Variants in CSMD1 observed in about 807,000 individuals in gnomAD.
CSMD1 encodes the protein CUB and sushi domain-containing protein 1.
Under a neutral mutation model 417.5 loss-of-function variants are expected in CSMD1, and 213 were observed. That is an observed-to-expected ratio of 0.51 (90% CI 0.46 to 0.57). The LOEUF (loss-of-function observed/expected upper bound fraction) is 0.57. Among genes scored for constraint, CSMD1 ranks in the 20% least tolerant of loss-of-function variants. The probability of loss-of-function intolerance (pLI) is 0.00; values close to 1 mark genes in which losing one functional copy is unlikely to be tolerated. For missense variants in CSMD1, 6,923 were observed against 4,529.7 expected, an observed-to-expected ratio of 1.53 and a Z score of -15.17; for synonymous variants, 2,862 against 1,736.8, an observed-to-expected ratio of 1.65 and a Z score of -16.11.
chr8:4,702,125 G>C (rs942054215), intron 1 of CSMD1, among the ~76,000 whole-genome samples: 1 of 152,182 alleles, frequency 6.6e-6, no homozygotes, highest in African/African-American at 2.4e-5. Context: ...GGTGGGCGAA[G>C]GTAGAGCACT....
At chr8:3,502,472 T>C (rs1401804648) in intron 10 of CSMD1, among the ~76,000 whole-genome samples, 10 of 152,168 alleles carry the variant, frequency 6.6e-5, no homozygotes, top group Admixed American at 6.5e-4. Flanking sequence ...CAATATGTCC[T>C]TCAGCAGGTG....
Position 4,412,212 on chromosome 8 carries a change from C to G in CSMD1, c.415+7741G>C, listed in dbSNP as rs531074784. Among the ~76,000 whole-genome samples the G allele has an allele frequency of 1.1e-4, 17 of 152,140 alleles. No individual in the cohort carries two copies. In the East Asian group the frequency reaches 3.1e-3, roughly 28 times the overall value. ...CAAACCTCATGTTAAATTGTAACCC[C>G]CAGTATTGGAGGTAGGGCCTGGTAG... is the stretch of plus-strand genomic sequence containing the variant. On this transcript the variant is annotated intron_variant, in intron 3 of 69. Transcript: ENST00000635120.
At chr8:3,226,751 C>A (rs1175718430) in intron 27 of CSMD1, among the ~76,000 whole-genome samples, 1 of 151,934 alleles carries the variant, frequency 6.6e-6, no homozygotes, top group African/African-American at 2.4e-5. Context: ...GAAAAAGCAA[C>A]AGCAATGGCA....
chr8:4,175,006 C>G (rs776440798), intron 3 of CSMD1, among the ~76,000 whole-genome samples: 2 of 151,464 alleles, frequency 1.3e-5, no homozygotes, highest in Admixed American at 6.6e-5. Context: ...AATCTCTTAT[C>G]TCACTCTTTT....
intron 1 of CSMD1, among the ~76,000 whole-genome samples, chr8:4,968,297 T>C (rs1810012280): frequency 6.6e-6 from 1 of 152,098 alleles, no homozygotes. Flanking sequence ...GTTATAAGTG[T>C]ACAATTCAGT....
At chr8:3,198,183 G>T (rs1344188893) in intron 33 of CSMD1, among the ~76,000 whole-genome samples, 1 of 152,060 alleles carries the variant, frequency 6.6e-6, no homozygotes, top group Non-Finnish European at 1.5e-5. Context: ...AAGACACCAG[G>T]ATATTTGCAT....
chr8:4,001,978 T>C (rs1172346918), intron 4 of CSMD1, among the ~76,000 whole-genome samples: 2 of 152,192 alleles, frequency 1.3e-5, no homozygotes, highest in Non-Finnish European at 2.9e-5. Flanking sequence ...CGGAATGAGT[T>C]ACAGTTAGAA....
intron 7 of CSMD1, among the ~76,000 whole-genome samples, chr8:3,698,083 G>A (rs769016061): frequency 2.0e-5 from 3 of 152,164 alleles, no homozygotes; most frequent in East Asian, 1.9e-4. Context: ...GATATAAACG[G>A]TATGATGAAT....
At chr8:3,256,140 C>T (rs942911513) in intron 26 of CSMD1, among the ~76,000 whole-genome samples, 2 of 152,058 alleles carry the variant, frequency 1.3e-5, no homozygotes, top group Non-Finnish European at 2.9e-5. Flanking sequence ...CCAGCCTGGC[C>T]AACATGGTGA....
At chr8:4,240,878 T>C (rs1018814270) in intron 3 of CSMD1, among the ~76,000 whole-genome samples, 7 of 152,246 alleles carry the variant, frequency 4.6e-5, no homozygotes, top group Admixed American at 1.3e-4. Flanking sequence ...GAGTTATGTA[T>C]TCATTCAGGC....
At chr8:3,475,378 A>C (rs1179184392) in intron 11 of CSMD1, among the ~76,000 whole-genome samples, 5 of 152,176 alleles carry the variant, frequency 3.3e-5, no homozygotes, top group Non-Finnish European at 7.4e-5. Context: ...ATAAAAATAT[A>C]AATTAACCTA....
At chr8:4,057,652 TTTTTATAG>T (rs1284569172) in intron 3 of CSMD1, among the ~76,000 whole-genome samples, 37 of 31,838 alleles carry the variant, frequency 1.2e-3, no homozygotes, top group Non-Finnish European at 3.9e-3. Flanking sequence ...TCTTCTAGGG[TTTTTATAG>T]TTTTAGGTGT....
chr8:4,356,926 T>G (rs1228702982), intron 3 of CSMD1, among the ~76,000 whole-genome samples: 4 of 152,230 alleles, frequency 2.6e-5, no homozygotes, highest in African/African-American at 9.6e-5. Flanking sequence ...ATATTACTTT[T>G]TAAATGTCAA....
chr8:4,163,359 T>G, intron 3 of CSMD1, among the ~76,000 whole-genome samples: 1 of 152,200 alleles, frequency 6.6e-6, no homozygotes, highest in Non-Finnish European at 1.5e-5. Context: ...CAGCCATAAC[T>G]CAGAGTTATT....
chr8:4,291,438 A>G (rs1032410352), intron 3 of CSMD1, among the ~76,000 whole-genome samples: 1 of 152,266 alleles, frequency 6.6e-6, no homozygotes, highest in South Asian at 2.1e-4. Context: ...GCATGGTAGA[A>G]TTTGAATTAA....
intron 2 of CSMD1, among the ~76,000 whole-genome samples, chr8:4,626,753 G>A (rs566093951): frequency 6.6e-5 from 10 of 152,178 alleles, no homozygotes; most frequent in Admixed American, 6.5e-4. Flanking sequence ...GAAAATATAT[G>A]AAGGCTTTAT....
intron 2 of CSMD1, among the ~76,000 whole-genome samples, chr8:4,567,524 G>C (rs1340180149): frequency 1.3e-5 from 2 of 152,124 alleles, no homozygotes; most frequent in South Asian, 2.1e-4. Context: ...ATCGCAGGTA[G>C]ACTGTGAAAA....
At chr8:4,967,004 T>C (rs138715974) in intron 1 of CSMD1, among the ~76,000 whole-genome samples, 290 of 152,308 alleles carry the variant, frequency 1.9e-3, no homozygotes, top group African/African-American at 6.5e-3. Flanking sequence ...GTACTTCTGA[T>C]GTTATTGCAT....
chr8:4,570,912 T>G (rs1798863000), intron 2 of CSMD1, among the ~76,000 whole-genome samples: 1 of 152,240 alleles, frequency 6.6e-6, no homozygotes, highest in African/African-American at 2.4e-5. Flanking sequence ...TCTTCTAGAT[T>G]TTCTAGTTTA....
Sources: gnomAD v4.1 joint callset for allele counts (sites outside exome capture counted in the v4.1 genomes callset) on GRCh38, gnomAD v4.1.1 for gene constraint, MANE v1.5 for transcripts, NCBI Gene and HGNC (gene_info 2026-07-23, HGNC 2026-07-21) for gene names.